Variants in SEC22C observed in about 807,000 individuals in gnomAD.
SEC22C encodes the protein SEC22 homolog C, vesicle trafficking protein, also known as vesicle-trafficking protein SEC22c.
A neutral mutation model predicts 34.7 loss-of-function variants in SEC22C; 29 were observed. The ratio of observed to expected loss-of-function variants is 0.84; its 90% CI spans 0.62 to 1.14. The LOEUF (loss-of-function observed/expected upper bound fraction) is 1.14, where lower values mean the gene tolerates loss of function less well. Among genes scored for constraint, SEC22C ranks in the 50% most tolerant of loss-of-function variants. The probability of loss-of-function intolerance (pLI) is 0.00; values close to 1 mark genes in which losing one functional copy is unlikely to be tolerated. For missense variants in SEC22C, 337 were observed against 369.0 expected, an observed-to-expected ratio of 0.91 and a Z score of 0.71; for synonymous variants, 117 against 132.8, an observed-to-expected ratio of 0.88 and a Z score of 0.82.
intron 1 of SEC22C, among the ~76,000 whole-genome samples, chr3:42,589,706 C>T (rs1375948443): frequency 6.6e-6 from 1 of 152,216 alleles, no homozygotes; most frequent in Non-Finnish European, 1.5e-5. Flanking sequence ...TAATGAGAAT[C>T]TAATGCCTGC....
rs975249092 is a variant in SEC22C at position 42,550,063 on chromosome 3, G to A, written c.*3185C>T. The A allele has an allele frequency of 4.0e-5, 39 of 985,354 alleles. No homozygotes were observed. Among genetic ancestry groups the A allele is most frequent in the Non-Finnish European group, 4.5e-5 (37 of 829,960 alleles). The allele number at this position is 985,354 out of a possible 1,614,324, so 61.0% of individuals were successfully genotyped here. On this transcript the variant is annotated 3_prime_UTR_variant, in exon 7 of 7. Transcript: ENST00000264454. The stretch of plus-strand genomic sequence containing the variant: ...AGGGGAAAACAGATTTACATGTTTC[G>A]TTCATTAGCATATTAGGGAAGGGGA...
Position 42,552,998 on chromosome 3 carries a change from A to G in SEC22C, c.*250T>C. The G allele has an allele frequency of 1.5e-6, 2 of 1,302,972 alleles. No homozygotes were observed. The highest frequency in any genetic ancestry group is 1.9e-6 in the Non-Finnish European group (2 of 1,026,534). The allele number at this position is 1,302,972 out of a possible 1,614,324, so 80.7% of individuals were successfully genotyped here. On this transcript the variant is annotated 3_prime_UTR_variant, in exon 7 of 7. Coordinates refer to ENST00000264454, the MANE Select transcript of SEC22C (RefSeq NM_032970.4). The stretch of plus-strand genomic sequence containing the variant: ...AAGCTCTTTCTGGATGAGCCCCCAG[A>G]TCCAGCTGTCCTAGGTAAACGTGCT...
chr3:42,552,291 C>T lies in SEC22C; in HGVS notation c.*957G>A. ...ATTAATTTTGGAGGCGCTCTGGGAA[C>T]AGGTACACAGGGTACAGTAGTCATC... On this transcript the variant is annotated 3_prime_UTR_variant, in exon 7 of 7. Transcript: ENST00000264454. The T allele has an allele frequency of 1.0e-6, 1 of 985,390 alleles. No individual in the cohort carries two copies. The highest frequency in any genetic ancestry group is 1.2e-6 in the Non-Finnish European group (1 of 829,920). 61.0% of individuals were successfully genotyped at this position (985,390 alleles called of 1,614,324 possible).
intron 4 of SEC22C, among the ~76,000 whole-genome samples, chr3:42,560,852 C>G (rs1382943620): frequency 6.6e-6 from 1 of 151,950 alleles, no homozygotes; most frequent in Non-Finnish European, 1.5e-5. Context: ...GTTGCCCAGG[C>G]TGGTTTCAAA....
intron 1 of SEC22C, among the ~76,000 whole-genome samples, chr3:42,598,793 A>C (rs1705124071): frequency 1.3e-5 from 2 of 151,996 alleles, no homozygotes; most frequent in South Asian, 4.1e-4. Flanking sequence ...TGCAAGATGG[A>C]AAATGTTCTG....
upstream of SEC22C, among the ~76,000 whole-genome samples, chr3:42,584,918 G>A (rs533486562): frequency 9.2e-5 from 14 of 152,218 alleles, no homozygotes; most frequent in East Asian, 1.9e-3. Flanking sequence ...GGTGGATCAC[G>A]AGGTCAGGGA....
rs767791020 is a variant in SEC22C, at chr3:42,591,564, G to A, written c.-28+9396C>T. 2.5e-5 allele frequency: 41 copies of A among 1,613,902 alleles called. No homozygotes were observed. The highest frequency in any genetic ancestry group is 3.5e-5 in the Non-Finnish European group (41 of 1,179,950). On this transcript the variant is annotated intron_variant, in intron 1 of 6. Transcript: ENST00000417572. ...TGACCAGCTGATCCGCTGTATTGTG[G>A]AGTATCAGAACAAGGGCCGCGGGAA...
At chr3:42,561,397 G>C (rs1702899276) in intron 3 of SEC22C, 101 bp from the exon 4 acceptor site, 5 of 1,228,060 alleles carry the variant, frequency 4.1e-6, no homozygotes, top group South Asian at 2.8e-5. Flanking sequence ...TTTGAAGATA[G>C]GGTCTCACTG....
chr3:42,594,555 A>G lies in SEC22C; in HGVS notation c.-28+6405T>C, dbSNP rs766005019. On this transcript the variant is annotated intron_variant, in intron 1 of 6. Transcript: ENST00000417572. ...AATCTTCCATTTGGCTGTCGTGAGG[A>G]GTAATTGAATGTAATCCATCTCTTA... 4.0e-6 allele frequency: 6 copies of G among 1,517,278 alleles called. No homozygotes were observed. In the Admixed American group the frequency reaches 1.0e-4, roughly 25 times the overall value. 94.0% of individuals were successfully genotyped at this position (1,517,278 alleles called of 1,614,324 possible).
At chr3:42,556,138 T>C (rs1432501284) in intron 5 of SEC22C, 143 bp from the exon 6 acceptor site, 1 of 646,480 alleles carries the variant, frequency 1.5e-6, no homozygotes, top group African/African-American at 1.8e-5. Context: ...TTCCTGTTTA[T>C]GCACCAGATC....
At chr3:42,596,062 G>A (rs550133982) in intron 1 of SEC22C, among the ~76,000 whole-genome samples, 24 of 151,106 alleles carry the variant, frequency 1.6e-4, no homozygotes, top group Middle Eastern at 3.4e-3. Context: ...ACGGAATCTC[G>A]CTCTGTCGGA....
At position 42,569,015 on chromosome 3, in the gene SEC22C, C is replaced by G. The variant is rs1226387423; in HGVS notation, c.32G>C (p.Arg11Pro). Residue 11 changes from arginine (R) to proline (P), a missense_variant, in exon 2 of 7, where the codon CGG (arginine) becomes CCG (proline). Arg to Pro is a moderately radical substitution (Grantham distance 103). Transcript: ENST00000264454. Reference sequence around the variant, plus strand: ...TGAGAGGGGCAGTCCATCCCTTACCCGTACCACGCAGGCAAAAAAGATCAC... The same window carrying G: ...TGAGAGGGGCAGTCCATCCCTTACCGGTACCACGCAGGCAAAAAAGATCAC... MSVIFFACVV[R>P]VRDGLPLSAS... 2 of 1,614,024 alleles carry G rather than the reference C, an allele frequency of 1.2e-6. No homozygotes were observed. The highest frequency in any genetic ancestry group is 1.7e-6 in the Non-Finnish European group (2 of 1,180,000).
chr3:42,553,125 T>C lies in SEC22C; in HGVS notation c.*123A>G, dbSNP rs1480803279. ...GCAACTGTTTAACATCCCCAATTCCTGGTTTTTCAGTCCAGTTGGCTGAAA... is the reference window on the plus strand; with the variant it reads ...GCAACTGTTTAACATCCCCAATTCCCGGTTTTTCAGTCCAGTTGGCTGAAA... On this transcript the variant is annotated 3_prime_UTR_variant, in exon 7 of 7. Coordinates refer to ENST00000264454, the MANE Select transcript of SEC22C (RefSeq NM_032970.4). 1.4e-5 allele frequency: 21 copies of C among 1,468,954 alleles called. No individual in the cohort carries two copies. The highest frequency in any genetic ancestry group is 1.9e-5 in the Non-Finnish European group (21 of 1,117,822). The allele number at this position is 1,468,954 out of a possible 1,614,324, so 91.0% of individuals were successfully genotyped here.
chr3:42,584,458 A>C (rs1383602865), upstream of SEC22C, among the ~76,000 whole-genome samples: 1 of 152,106 alleles, frequency 6.6e-6, no homozygotes, highest in Non-Finnish European at 1.5e-5. Flanking sequence ...GTTTCACCAT[A>C]TTGGCCAGTT....
At chr3:42,554,732 GA>G (rs2125695257) in intron 6 of SEC22C, among the ~76,000 whole-genome samples, 2 of 152,218 alleles carry the variant, frequency 1.3e-5, no homozygotes, top group African/African-American at 4.8e-5. Context: ...AAAAAAGGGA[GA>G]AAAAATATGT....
intron 1 of SEC22C, among the ~76,000 whole-genome samples, chr3:42,588,160 T>C (rs1419544994): frequency 1.3e-5 from 2 of 151,156 alleles, no homozygotes; most frequent in African/African-American, 2.4e-5. Flanking sequence ...TCCCAGCACT[T>C]TGGGAGGCCG....
In SEC22C at chr3:42,555,999, A is replaced by G; in HGVS notation, c.646-4T>C. 1.2e-6 allele frequency: 2 copies of G among 1,610,488 alleles called. 1 individual carries two copies. Among genetic ancestry groups the G allele is most frequent in the South Asian group, 2.2e-5 (2 of 90,814 alleles). The stretch of plus-strand genomic sequence containing the variant: ...TTCCAATTTCCTCATGGGCAACCTA[A>G]AACAAATACAAGGAACACAAGGAAA... On this transcript the variant is annotated splice_polypyrimidine_tract_variant and splice_region_variant and intron_variant, in intron 5 of 6. Transcript: ENST00000264454.
chr3:42,559,862 T>C (rs1346516204), intron 4 of SEC22C, among the ~76,000 whole-genome samples: 1 of 152,066 alleles, frequency 6.6e-6, no homozygotes, highest in Non-Finnish European at 1.5e-5. Flanking sequence ...GACAAAGGCA[T>C]GGAATATCAG....
In SEC22C at chr3:42,591,395, A is replaced by G. The variant is rs1704833679; in HGVS notation, c.-28+9565T>C. ...TGTATTTTTAGTATGGGGTTTCCCC[A>G]TGTTGGCCAGGCTAGTCTCGAACTC... On this transcript the variant is annotated intron_variant, in intron 1 of 6. Coordinates refer to the SEC22C transcript ENST00000417572. The G allele has an allele frequency of 5.9e-6, 4 of 680,956 alleles. No homozygotes were observed. In the East Asian group the frequency reaches 1.0e-4, roughly 17 times the overall value. 42.2% of individuals were successfully genotyped at this position (680,956 alleles called of 1,614,324 possible).
Sources: gnomAD v4.1 joint callset for allele counts (sites outside exome capture counted in the v4.1 genomes callset) on GRCh38, gnomAD v4.1.1 for gene constraint, MANE v1.5 for transcripts, NCBI Gene and HGNC (gene_info 2026-07-23, HGNC 2026-07-21) for gene names.